Variants in SEMA6A observed in about 807,000 individuals in gnomAD.
The protein encoded by SEMA6A is semaphorin 6A.
Under a neutral mutation model 96.8 loss-of-function variants are expected in SEMA6A, and 25 were observed. The ratio of observed to expected loss-of-function variants is 0.26; its 90% CI spans 0.19 to 0.36. SEMA6A has a LOEUF of 0.36. SEMA6A is among the 10% of genes least tolerant of loss of function. The pLI, the probability that SEMA6A is intolerant of heterozygous loss-of-function variation, is 1.00. For missense variants in SEMA6A, 1,363 were observed against 1,323.1 expected (o/e 1.03, Z -0.47); for synonymous variants, 612 against 518.0 (o/e 1.18, Z -2.46).
At chr5:116,541,694 G>C (rs921270730) in intron 1 of SEMA6A, among the ~76,000 whole-genome samples, 1 of 152,234 alleles carries the variant, frequency 6.6e-6, no homozygotes, top group East Asian at 1.9e-4. Context: ...TTAGCTGGGC[G>C]TGGTGGCGTG....
At chr5:116,543,546 C>G (rs754409845) in intron 1 of SEMA6A, among the ~76,000 whole-genome samples, 2 of 152,204 alleles carry the variant, frequency 1.3e-5, no homozygotes, top group Non-Finnish European at 2.9e-5. Flanking sequence ...GACCTGTCAT[C>G]TTTTAGAATA....
chr5:116,516,928 T>C (rs1758692539), intron 1 of SEMA6A, among the ~76,000 whole-genome samples: 1 of 152,182 alleles, frequency 6.6e-6, no homozygotes, highest in Admixed American at 6.5e-5. Context: ...AGGAATCATT[T>C]TGGTGTTCAT....
intron 3 of SEMA6A, chr5:116,498,812 T>A (rs578182389): frequency 2.0e-5 from 3 of 152,350 alleles, no homozygotes; most frequent in African/African-American, 7.2e-5. Flanking sequence ...AGGTTTGAGA[T>A]GACTCGAGGC....
intron 18 of SEMA6A, among the ~76,000 whole-genome samples, chr5:116,461,338 CCCCAAGACAGGAG>C (rs1334695358): frequency 6.6e-6 from 1 of 152,130 alleles, no homozygotes; most frequent in Non-Finnish European, 1.5e-5. Context: ...TATTAGTACT[CCCCAAGACAGGAG>C]CCCTTTTTCT....
intron 3 of SEMA6A, among the ~76,000 whole-genome samples, chr5:116,500,598 C>T (rs1160600359): frequency 3.3e-5 from 5 of 152,038 alleles, no homozygotes; most frequent in African/African-American, 1.2e-4. Flanking sequence ...TAGTCTAGCC[C>T]CTTTTTTTTT....
At position 116,445,392 on chromosome 5, in the gene SEMA6A, A is replaced by T. The variant is rs1754117285; in HGVS notation, c.*1221T>A. The T allele has an allele frequency of 6.6e-6, 1 of 152,644 alleles. No individual in the cohort carries two copies. Among genetic ancestry groups the T allele is most frequent in the Non-Finnish European group, 1.5e-5 (1 of 68,038 alleles). The allele number at this position is 152,644 out of a possible 1,614,324, so 9.5% of individuals were successfully genotyped here. ...ATCAAATCATTAATTTATGCAAGGT[A>T]GCAGCCAGCATATTAGTTCACACCA... On this transcript the variant is annotated 3_prime_UTR_variant, in exon 19 of 19. Coordinates refer to ENST00000343348, the MANE Select transcript of SEMA6A (RefSeq NM_020796.5).
In SEMA6A at chr5:116,443,605, CCTTG is replaced by C. The variant is rs1754023168; in HGVS notation, c.*3004_*3007del. ...ACTTTTAAGTAATAAAGAGCCTTTTCCTTGCTTTTCTTTTTTCCCTTTTTTTCTT... is the reference window on the plus strand; with the variant it reads ...ACTTTTAAGTAATAAAGAGCCTTTTCCTTTTCTTTTTTCCCTTTTTTTCTT... On this transcript the variant is annotated 3_prime_UTR_variant, in exon 19 of 19. Coordinates refer to ENST00000343348, the MANE Select transcript of SEMA6A (RefSeq NM_020796.5). 1 of 152,530 alleles carries C rather than the reference CCTTG, an allele frequency of 6.6e-6. No individual in the cohort carries two copies. Among genetic ancestry groups the C allele is most frequent in the African/African-American group, 2.4e-5 (1 of 41,430 alleles). The allele number at this position is 152,530 out of a possible 1,614,324, so 9.4% of individuals were successfully genotyped here.
At chr5:116,570,775 G>T (rs1342244370) in intron 1 of SEMA6A, among the ~76,000 whole-genome samples, 1 of 152,162 alleles carries the variant, frequency 6.6e-6, no homozygotes, top group Admixed American at 6.5e-5. Flanking sequence ...GTTCAAAATA[G>T]TATTTTTCCT....
At chr5:116,456,957 C>G (rs1755051339) in intron 18 of SEMA6A, among the ~76,000 whole-genome samples, 1 of 152,160 alleles carries the variant, frequency 6.6e-6, no homozygotes, top group Admixed American at 6.5e-5. Context: ...AGGTTCTTCT[C>G]CTTTATATTC....
rs768161908 is a variant in SEMA6A, at chr5:116,447,403, C to G, written c.2303G>C (p.Arg768Pro). The change falls in exon 19 of 19, where the codon CGG (arginine) becomes CCG (proline). Residue 768 changes from arginine to proline, a missense_variant. By Grantham distance (103) the Arg-to-Pro change is moderately radical (BLOSUM62 -2). Around this residue, in one of 2 missense-constraint regions of SEMA6A, gnomAD observed 883 missense variants for 763.6 expected, o/e 1.16. Transcript: ENST00000343348. Reference sequence around the variant, plus strand: ...CTCGCGGCTGCCGCGGCTGGGCTTCCGCTTCTGCTGCAGCGTTGGGGTTGA... The same window carrying G: ...CTCGCGGCTGCCGCGGCTGGGCTTCGGCTTCTGCTGCAGCGTTGGGGTTGA... ...PESTPTLQQK[R>P]KPSRGSREWE... 6.2e-7 allele frequency: 1 copy of G among 1,614,032 alleles called. No individual in the cohort carries two copies. The highest frequency in any genetic ancestry group is 8.5e-7 in the Non-Finnish European group (1 of 1,179,902).
At chr5:116,460,783 C>CTT (rs57285277) in intron 18 of SEMA6A, among the ~76,000 whole-genome samples, 19 of 122,848 alleles carry the variant, frequency 1.5e-4, no homozygotes, top group Middle Eastern at 3.9e-3. Flanking sequence ...TTGTTAATCT[C>CTT]TTTTTTTTTT....
intron 7 of SEMA6A, among the ~76,000 whole-genome samples, chr5:116,490,124 A>T (rs1403576128): frequency 6.6e-6 from 1 of 152,198 alleles, no homozygotes; most frequent in African/African-American, 2.4e-5. Context: ...GTCTTAAAAT[A>T]ATTAAAATTT....
chr5:116,531,468 T>C (rs1175249813), intron 1 of SEMA6A, among the ~76,000 whole-genome samples: 1 of 152,098 alleles, frequency 6.6e-6, no homozygotes, highest in Admixed American at 6.5e-5. Context: ...ACTGGAGACA[T>C]TTCCCAGGAC....
At chr5:116,535,746 C>G (rs778688924) in intron 1 of SEMA6A, among the ~76,000 whole-genome samples, 3 of 152,188 alleles carry the variant, frequency 2.0e-5, no homozygotes, top group Non-Finnish European at 4.4e-5. Flanking sequence ...TGTGGAGCTT[C>G]TGCTCCAGAG....
intron 10 of SEMA6A, 192 bp downstream of exon 10, chr5:116,486,556 CT>C (rs1336944533): frequency 3.6e-6 from 2 of 555,306 alleles, no homozygotes; most frequent in Non-Finnish European, 6.4e-6. Flanking sequence ...ATTACTTCCC[CT>C]AAAACCTAAC....
intron 18 of SEMA6A, among the ~76,000 whole-genome samples, chr5:116,451,394 C>T (rs1754623448): frequency 6.6e-6 from 1 of 152,150 alleles, no homozygotes; most frequent in Non-Finnish European, 1.5e-5. Context: ...CAGGTCCAAA[C>T]TTCGTGCCTT....
intron 1 of SEMA6A, among the ~76,000 whole-genome samples, chr5:116,571,974 T>G (rs1761232790): frequency 6.6e-6 from 1 of 152,128 alleles, no homozygotes; most frequent in African/African-American, 2.4e-5. Context: ...CCACCAGTCC[T>G]CCCCGCCATC....
intron 1 of SEMA6A, among the ~76,000 whole-genome samples, chr5:116,517,207 T>G (rs1758710040): frequency 6.6e-6 from 1 of 152,172 alleles, no homozygotes; most frequent in Admixed American, 6.5e-5. Flanking sequence ...TTGCTGCAAA[T>G]TATGAACAGG....
chr5:116,467,424 CAT>C (rs1375103771), intron 18 of SEMA6A, among the ~76,000 whole-genome samples, 157 bp downstream of exon 18: 2 of 152,146 alleles, frequency 1.3e-5, no homozygotes, highest in Non-Finnish European at 2.9e-5. Context: ...TCAAGCCTCA[CAT>C]AGAGGATGGG....
Sources: allele counts gnomAD v4.1 joint callset (sites outside exome capture counted in the v4.1 genomes callset), GRCh38; gene constraint gnomAD v4.1.1; regional missense constraint gnomAD v4.1.1; transcripts MANE v1.5; gene names NCBI Gene and HGNC (gene_info 2026-07-23, HGNC 2026-07-21).